Variants in FGF12 observed in about 807,000 individuals in gnomAD.
FGF12 encodes the protein fibroblast growth factor 12B.
FGF12 carries 14 observed loss-of-function variants against 23.6 expected under a neutral mutation model. That is an observed-to-expected ratio of 0.59 (90% CI 0.39 to 0.93). The LOEUF (loss-of-function observed/expected upper bound fraction) is 0.93. Ranked by LOEUF, FGF12 falls within the 40% of genes least tolerant of loss-of-function variation. FGF12 has a pLI of 0.00. For synonymous variants in FGF12, 62 were observed against 77.3 expected, an observed-to-expected ratio of 0.80 and a Z score of 1.04; for missense variants, 175 against 217.8, an observed-to-expected ratio of 0.80 and a Z score of 1.24.
At chr3:192,424,350 T>A (rs1022463203) in intron 2 of FGF12, among the ~76,000 whole-genome samples, 3 of 152,224 alleles carry the variant, frequency 2.0e-5, no homozygotes, top group African/African-American at 4.8e-5. Flanking sequence ...CACCAGGTAG[T>A]GCTGTTTGCA....
Position 192,535,738 on chromosome 3 carries a change from A to G in FGF12, c.14-175200T>C, listed in dbSNP as rs1577041511. On this transcript the variant is annotated intron_variant, in intron 2 of 5. Transcript: ENST00000445105. ...TGGTGGTTGGGGTGGGCACTACTGA[A>G]CTCTAAAATTCATAGAATGGAGCTC... is the stretch of plus-strand genomic sequence containing the variant. Among the ~76,000 whole-genome samples, 7 of 152,250 alleles carry G rather than the reference A, an allele frequency of 4.6e-5. No homozygotes were observed. The South Asian group carries it at 1.5e-3, about 32-fold the overall frequency.
Position 192,671,970 on chromosome 3 carries a change from G to GAA in FGF12, c.13+55210_13+55211insTT, listed in dbSNP as rs567848178. 8.3e-4 allele frequency among the ~76,000 whole-genome samples: 126 copies of GAA among 152,332 alleles called. 1 individual carries two copies. In the East Asian group the frequency reaches 0.018, roughly 22 times the overall value. ...ATCACCATAGCAAGGAATTCATACA[G>GAA]ACAAATTTCTTTATTTCACTGATGA... On this transcript the variant is annotated intron_variant, in intron 2 of 5. Transcript: ENST00000445105.
intron 4 of FGF12, among the ~76,000 whole-genome samples, chr3:192,249,527 A>T (rs1711859536): frequency 6.6e-6 from 1 of 152,136 alleles, no homozygotes; most frequent in Admixed American, 6.5e-5. Flanking sequence ...TGGTGGCCTT[A>T]GGAAGAGAGG....
At chr3:192,681,108 T>TAATATAG (rs1259328846) in intron 2 of FGF12, among the ~76,000 whole-genome samples, 1 of 152,184 alleles carries the variant, frequency 6.6e-6, no homozygotes, top group African/African-American at 2.4e-5. Flanking sequence ...TGGCTCAATA[T>TAATATAG]AATATAGAGC....
intron 2 of FGF12, among the ~76,000 whole-genome samples, chr3:192,561,634 T>C (rs968848438): frequency 1.3e-5 from 2 of 152,210 alleles, no homozygotes; most frequent in Non-Finnish European, 2.9e-5. Flanking sequence ...AGTGCTGGGA[T>C]TACAGGCGTG....
chr3:192,640,982 T>C (rs904081151), intron 2 of FGF12, among the ~76,000 whole-genome samples: 2 of 151,930 alleles, frequency 1.3e-5, no homozygotes, highest in African/African-American at 4.8e-5. Context: ...CCAGCTAGTT[T>C]GTTTTATTTT....
At chr3:192,597,229 A>T (rs1436326273) in intron 2 of FGF12, among the ~76,000 whole-genome samples, 13 of 152,180 alleles carry the variant, frequency 8.5e-5, no homozygotes, top group Non-Finnish European at 1.6e-4. Context: ...ACATTAAAGA[A>T]CATATTGAGT....
chr3:192,216,051 T>C lies in FGF12; in HGVS notation c.229-45395A>G, dbSNP rs139901659. 2.4e-3 allele frequency among the ~76,000 whole-genome samples: 363 copies of C among 152,282 alleles called. 1 individual carries two copies. Among genetic ancestry groups the C allele is most frequent in the Non-Finnish European group, 4.4e-3 (301 of 68,018 alleles). On this transcript the variant is annotated intron_variant, in intron 4 of 5. Coordinates refer to ENST00000445105, the MANE Select transcript of FGF12 (RefSeq NM_004113.6). ...GGCACCTTGCTAGACCCTAGGAATATAGTTCACAAGGAGCTCAGATAACAC... is the reference window on the plus strand; with the variant it reads ...GGCACCTTGCTAGACCCTAGGAATACAGTTCACAAGGAGCTCAGATAACAC...
At chr3:192,421,186 G>A (rs754505034) in intron 2 of FGF12, among the ~76,000 whole-genome samples, 9 of 152,242 alleles carry the variant, frequency 5.9e-5, no homozygotes, top group Non-Finnish European at 1.3e-4. Context: ...ACCAGTAGGT[G>A]AGAAAGTTGT....
intron 2 of FGF12, among the ~76,000 whole-genome samples, chr3:192,534,654 A>C (rs57581283): frequency 0.19 from 29,673 of 152,170 alleles, 3,407 homozygotes; most frequent in Middle Eastern, 0.37. Context: ...GGCCTCCCAA[A>C]GTGCTGGGAT....
intron 3 of FGF12, among the ~76,000 whole-genome samples, chr3:192,337,100 C>T (rs1439733282): frequency 6.6e-6 from 1 of 152,020 alleles, no homozygotes; most frequent in African/African-American, 2.4e-5. Context: ...TTAAGAAATA[C>T]AAGAACTAGA....
chr3:192,484,315 T>TAAA (rs57914760), intron 2 of FGF12, among the ~76,000 whole-genome samples: 23 of 99,654 alleles, frequency 2.3e-4, no homozygotes, highest in Non-Finnish European at 3.5e-4. Flanking sequence ...TCCATTTTCC[T>TAAA]AAAAAAAAAA....
chr3:192,190,136 A>G (rs1333186045), intron 4 of FGF12, among the ~76,000 whole-genome samples: 2 of 152,206 alleles, frequency 1.3e-5, no homozygotes, highest in Non-Finnish European at 2.9e-5. Context: ...ATTATGTTGC[A>G]TAGACTTTGC....
At chr3:192,346,150 T>A (rs1717949338) in intron 3 of FGF12, among the ~76,000 whole-genome samples, 1 of 152,164 alleles carries the variant, frequency 6.6e-6, no homozygotes, top group East Asian at 1.9e-4. Flanking sequence ...TTAGAAAATT[T>A]TTCTAAAGTA....
intron 4 of FGF12, among the ~76,000 whole-genome samples, chr3:192,314,751 T>C (rs995935449): frequency 7.2e-5 from 11 of 152,268 alleles, no homozygotes; most frequent in African/African-American, 2.6e-4. Context: ...TAATAATTGG[T>C]CTTAGGAAAT....
chr3:192,230,157 T>C (rs1718949156), intron 4 of FGF12, among the ~76,000 whole-genome samples: 1 of 152,112 alleles, frequency 6.6e-6, no homozygotes. Flanking sequence ...AATAGACTTA[T>C]TCACATGTAA....
intron 2 of FGF12, among the ~76,000 whole-genome samples, chr3:192,561,369 C>CT (rs1236107420): frequency 0.02 from 2,956 of 146,686 alleles, 96 homozygotes; most frequent in African/African-American, 0.067. Context: ...CTTCACTTTT[C>CT]TTTTTTTTTT....
intron 3 of FGF12, among the ~76,000 whole-genome samples, chr3:192,356,622 A>C (rs967386730): frequency 3.3e-5 from 5 of 152,218 alleles, no homozygotes; most frequent in African/African-American, 1.2e-4. Context: ...ACATATAATT[A>C]GTCTTTTCTT....
chr3:192,450,122 C>T (rs1722475641), intron 2 of FGF12, among the ~76,000 whole-genome samples: 1 of 152,076 alleles, frequency 6.6e-6, no homozygotes, highest in Non-Finnish European at 1.5e-5. Context: ...AAGACCAAAA[C>T]CAAGACCTTC....
Sources: gnomAD v4.1 joint callset for allele counts (sites outside exome capture counted in the v4.1 genomes callset) on GRCh38, gnomAD v4.1.1 for gene constraint, MANE v1.5 for transcripts, NCBI Gene and HGNC (gene_info 2026-07-23, HGNC 2026-07-21) for gene names.